CADPS: variants seen among roughly 807,000 people sequenced by gnomAD.
The protein encoded by CADPS is calcium dependent secretion activator.
CADPS carries 57 observed loss-of-function variants against 167.3 expected under a neutral mutation model. The observed-to-expected ratio is 0.34, with a 90% CI of 0.28 to 0.42. The LOEUF is 0.42. Ranked by LOEUF, CADPS falls within the 20% of genes least tolerant of loss-of-function variation. The pLI is 1.00. For synonymous variants in CADPS, 676 were observed against 635.3 expected, an observed-to-expected ratio of 1.06 and a Z score of -0.96; for missense variants, 1,414 against 1,738.1, an observed-to-expected ratio of 0.81 and a Z score of 3.32.
At chr3:62,846,637 CTTTT>C (rs1559899248) in intron 1 of CADPS, among the ~76,000 whole-genome samples, 5 of 151,940 alleles carry the variant, frequency 3.3e-5, no homozygotes, top group African/African-American at 7.3e-5. Flanking sequence ...AAGATTGGGT[CTTTT>C]TTTGTTTGTT....
At chr3:62,603,415 G>A (rs2060245062) in intron 6 of CADPS, among the ~76,000 whole-genome samples, 1 of 152,186 alleles carries the variant, frequency 6.6e-6, no homozygotes, top group Admixed American at 6.5e-5. Context: ...TATTCCAGTT[G>A]TTTAGCTCAG....
intron 6 of CADPS, among the ~76,000 whole-genome samples, chr3:62,621,375 G>C (rs148879339): frequency 3.9e-5 from 6 of 152,174 alleles, no homozygotes; most frequent in Non-Finnish European, 8.8e-5. Context: ...GGAATGTTTA[G>C]TGGGTTGGCA....
intron 3 of CADPS, among the ~76,000 whole-genome samples, chr3:62,750,820 C>T (rs553768473): frequency 6.6e-6 from 1 of 152,336 alleles, no homozygotes; most frequent in South Asian, 2.1e-4. Context: ...TCTTCTTTAA[C>T]AACTCTTTTA....
intron 26 of CADPS, among the ~76,000 whole-genome samples, chr3:62,463,394 G>A (rs1037761300): frequency 6.6e-6 from 1 of 152,160 alleles, no homozygotes; most frequent in Non-Finnish European, 1.5e-5. Context: ...TGTCTTCTAC[G>A]GGTGTCAGGG....
intron 28 of CADPS, chr3:62,403,537 T>C (rs1707210144): frequency 6.3e-6 from 1 of 158,658 alleles, no homozygotes; most frequent in Admixed American, 6.4e-5. Context: ...AATACATTAA[T>C]TATTTCCTAA....
intron 1 of CADPS, among the ~76,000 whole-genome samples, chr3:62,774,696 C>A (rs1167814997): frequency 6.6e-6 from 1 of 152,094 alleles, no homozygotes; most frequent in Admixed American, 6.6e-5. Flanking sequence ...GAAGAAATAT[C>A]TTTTAGAGAT....
intron 1 of CADPS, among the ~76,000 whole-genome samples, chr3:62,770,303 C>A (rs2088263586): frequency 1.3e-5 from 2 of 152,230 alleles, no homozygotes; most frequent in African/African-American, 2.4e-5. Flanking sequence ...GCAACCTGAG[C>A]ATTTCCTGCA....
At chr3:62,494,276 G>A (rs1397378749) in intron 18 of CADPS, among the ~76,000 whole-genome samples, 1 of 152,158 alleles carries the variant, frequency 6.6e-6, no homozygotes, top group Non-Finnish European at 1.5e-5. Flanking sequence ...GCTAAGTCCA[G>A]TAGATAGAGA....
chr3:62,547,863 T>C (rs2076753309), intron 11 of CADPS, among the ~76,000 whole-genome samples: 1 of 152,120 alleles, frequency 6.6e-6, no homozygotes, highest in Admixed American at 6.6e-5. Flanking sequence ...AATCGATTTC[T>C]TGTCTCTAAT....
At chr3:62,526,506 G>A (rs1185341979) in intron 13 of CADPS, among the ~76,000 whole-genome samples, 2 of 152,182 alleles carry the variant, frequency 1.3e-5, no homozygotes, top group African/African-American at 4.8e-5. Context: ...GCAATCATCA[G>A]AGCTGTTTGA....
chr3:62,807,840 T>G (rs935247921), intron 1 of CADPS, among the ~76,000 whole-genome samples: 2 of 151,914 alleles, frequency 1.3e-5, no homozygotes, highest in South Asian at 2.1e-4. Context: ...CCATCAATTT[T>G]TAGGTACTAC....
At position 62,438,078 on chromosome 3, in the gene CADPS, T is replaced by C. The variant is rs2055521244; in HGVS notation, c.3777+26A>G. 2 of 1,486,672 alleles carry C rather than the reference T, an allele frequency of 1.3e-6. No homozygotes were observed. The highest frequency in any genetic ancestry group is 2.8e-5 in the African/African-American group (2 of 72,314). The allele number at this position is 1,486,672 out of a possible 1,614,324, so 92.1% of individuals were successfully genotyped here. ...TTTTGGAGGGTCTCCTCCTTGGTTT[T>C]CAAGGAGGAGAAGGCATTTACTTAC... On this transcript the variant is annotated intron_variant, in intron 28 of 29. Coordinates refer to ENST00000383710, the MANE Select transcript of CADPS (RefSeq NM_003716.4). The surrounding 1 kb of genome is among the most constrained non-coding windows in gnomAD (Gnocchi z 4.7).
chr3:62,805,566 CT>C (rs959568583), intron 1 of CADPS, among the ~76,000 whole-genome samples: 1 of 152,122 alleles, frequency 6.6e-6, no homozygotes, highest in Non-Finnish European at 1.5e-5. Flanking sequence ...ATCAATTTTC[CT>C]TTCCCTTCCT....
Position 62,399,617 on chromosome 3 carries a change from G to A in CADPS, c.3883-32C>T, listed in dbSNP as rs776738691. 6.3e-7 allele frequency: 1 copy of A among 1,578,982 alleles called. No homozygotes were observed. Among genetic ancestry groups the A allele is most frequent in the Non-Finnish European group, 8.7e-7 (1 of 1,149,712 alleles). ...AAGGAAAAGATACAGTGATAAGAGAGATCTCATCTCCATGATGGGGAGGGA... is the reference window on the plus strand; with the variant it reads ...AAGGAAAAGATACAGTGATAAGAGAAATCTCATCTCCATGATGGGGAGGGA... On this transcript the variant is annotated intron_variant, in intron 29 of 29. Transcript: ENST00000383710. The surrounding 1 kb of genome is among the most constrained non-coding windows in gnomAD (Gnocchi z 5.6).
chr3:62,592,111 T>C (rs985493721), intron 7 of CADPS, among the ~76,000 whole-genome samples: 3 of 152,198 alleles, frequency 2.0e-5, no homozygotes, highest in Non-Finnish European at 4.4e-5. Context: ...CACTACAGCA[T>C]ACATCCACAC....
chr3:62,661,289 G>A (rs1285669285), intron 4 of CADPS, among the ~76,000 whole-genome samples: 3 of 152,102 alleles, frequency 2.0e-5, no homozygotes, highest in South Asian at 4.1e-4. Flanking sequence ...GCGATCTGAC[G>A]GGAACACAAA....
At chr3:62,605,623 C>T (rs2060592708) in intron 6 of CADPS, among the ~76,000 whole-genome samples, 2 of 152,194 alleles carry the variant, frequency 1.3e-5, no homozygotes, top group Admixed American at 6.5e-5. Flanking sequence ...CTTCTACATC[C>T]AGCTGTGCCA....
At position 62,631,347 on chromosome 3, in the gene CADPS, AT is replaced by A. The variant is rs2065242454; in HGVS notation, c.1325+14374del. On this transcript the variant is annotated intron_variant, in intron 6 of 29. Transcript: ENST00000383710. Reference sequence around the variant, plus strand: ...GCTTTGGTGCCCTGATCACGGATGGATTTTTAAAAATTAGGAAGAAAGTAAC... The same window carrying A: ...GCTTTGGTGCCCTGATCACGGATGGATTTTAAAAATTAGGAAGAAAGTAAC... Among the ~76,000 whole-genome samples, 3 of 152,126 alleles carry A rather than the reference AT, an allele frequency of 2.0e-5. No homozygotes were observed. The South Asian group carries it at 6.2e-4, about 32-fold the overall frequency.
intron 28 of CADPS, chr3:62,403,458 A>G (rs990090003): frequency 4.1e-6 from 1 of 242,124 alleles, no homozygotes; most frequent in African/African-American, 2.2e-5. Flanking sequence ...CTATGTTTCA[A>G]TTCATACAGA....
Sources: gnomAD v4.1 joint callset for allele counts (sites outside exome capture counted in the v4.1 genomes callset) on GRCh38, gnomAD v4.1.1 for gene constraint, Gnocchi (gnomAD v3.1) non-coding constraint, MANE v1.5 for transcripts, NCBI Gene and HGNC (gene_info 2026-07-23, HGNC 2026-07-21) for gene names.